PCDH11Y: variants seen among roughly 807,000 people sequenced by gnomAD.
PCDH11Y encodes the protein protocadherin 11 Y-linked, also known as protocadherin-11 Y-linked.
For missense variants in PCDH11Y, 12 were observed against 224.8 expected (o/e 0.05, Z 6.05); for synonymous variants, 9 against 83.6 (o/e 0.11, Z 4.87).
chrY:5,030,638 A>C, intron 1 of PCDH11Y, among the ~76,000 whole-genome samples: 1 of 33,397 alleles, frequency 3.0e-5, no homozygotes, highest in Non-Finnish European at 7.4e-5. Context: ...ATTAAACTTT[A>C]GACTTTTTTA....
intron 4 of PCDH11Y, among the ~76,000 whole-genome samples, chrY:5,728,041 T>C (rs2053600170): frequency 3.0e-5 from 1 of 33,100 alleles, no homozygotes; most frequent in Non-Finnish European, 7.5e-5. Context: ...CTGTTGATTA[T>C]GGCTTCTTTC....
intron 4 of PCDH11Y, among the ~76,000 whole-genome samples, chrY:5,630,931 A>G: frequency 3.0e-5 from 1 of 33,003 alleles, no homozygotes; most frequent in Non-Finnish European, 7.5e-5. Flanking sequence ...ACAATTCAGT[A>G]TAGCAGAAAA....
chrY:5,327,820 T>A, intron 2 of PCDH11Y, among the ~76,000 whole-genome samples: 3 of 32,333 alleles, frequency 9.3e-5, no homozygotes, highest in Admixed American at 2.8e-4. Flanking sequence ...AAGAGTGCTG[T>A]CTAAGTTGGC....
intron 2 of PCDH11Y, among the ~76,000 whole-genome samples, chrY:5,454,065 A>T: frequency 3.0e-5 from 1 of 33,135 alleles, no homozygotes; most frequent in Non-Finnish European, 7.4e-5. Context: ...TCATCTAGAG[A>T]TGTGTTTCTT....
intron 2 of PCDH11Y, among the ~76,000 whole-genome samples, chrY:5,174,535 A>G (rs2052890949): frequency 1.6e-4 from 5 of 32,002 alleles, no homozygotes. Flanking sequence ...GGAAGATACA[A>G]TTGCTATGAG....
At chrY:5,064,542 T>TA (rs2052682064) in intron 1 of PCDH11Y, among the ~76,000 whole-genome samples, 1 of 27,548 alleles carries the variant, frequency 3.6e-5, no homozygotes, top group Non-Finnish European at 8.4e-5. Flanking sequence ...TCTTGAGGGA[T>TA]AAAAAATGTG....
chrY:5,026,184 TATA>T (rs2124620579), intron 1 of PCDH11Y, among the ~76,000 whole-genome samples: 1 of 33,216 alleles, frequency 3.0e-5, no homozygotes, highest in East Asian at 8.0e-4. Flanking sequence ...AAATGGTTCA[TATA>T]ATAATAGGCA....
intron 2 of PCDH11Y, among the ~76,000 whole-genome samples, chrY:5,364,944 A>G: frequency 3.0e-5 from 1 of 33,135 alleles, no homozygotes; most frequent in African/African-American, 1.2e-4. Flanking sequence ...TTACTAGGCT[A>G]TGTTATAGAA....
At chrY:5,100,932 G>A in exon 2 of PCDH11Y, 1 of 319,291 alleles carries the variant, frequency 3.1e-6, no homozygotes, top group Admixed American at 1.3e-4. Context: ...TTATAGTAGG[G>A]GCAATTTTGT....
At chrY:5,386,168 G>C in intron 2 of PCDH11Y, among the ~76,000 whole-genome samples, 3 of 33,500 alleles carry the variant, frequency 9.0e-5, no homozygotes, top group Non-Finnish European at 1.5e-4. Flanking sequence ...GTTTAAAGAA[G>C]TTAAAGATAG....
At chrY:5,019,363 G>C (rs2124619519) in intron 1 of PCDH11Y, 1 of 32,194 alleles carries the variant, frequency 3.1e-5, no homozygotes, top group South Asian at 7.0e-4. Context: ...CCTGAGGTCA[G>C]GAGTTCGAGA....
intron 1 of PCDH11Y, among the ~76,000 whole-genome samples, chrY:5,067,999 T>C (rs2124630119): frequency 1.6e-4 from 2 of 12,421 alleles, no homozygotes; most frequent in Non-Finnish European, 3.1e-4. Flanking sequence ...GGCGACAGAG[T>C]AAGACTCCAT....
chrY:5,200,068 G>A (rs2052925266), intron 2 of PCDH11Y, among the ~76,000 whole-genome samples: 29 of 32,705 alleles, frequency 8.9e-4, no homozygotes, highest in African/African-American at 2.6e-3. Context: ...ACATGAGACC[G>A]GTTATCACCA....
At chrY:5,202,466 C>T in intron 2 of PCDH11Y, among the ~76,000 whole-genome samples, 1 of 33,079 alleles carries the variant, frequency 3.0e-5, no homozygotes, top group Non-Finnish European at 7.4e-5. Context: ...TAATTGTTTT[C>T]TCCTTCAAGT....
chrY:5,481,209 T>C, intron 2 of PCDH11Y, among the ~76,000 whole-genome samples: 6 of 32,584 alleles, frequency 1.8e-4, no homozygotes, highest in Admixed American at 1.4e-3. Flanking sequence ...AATCTGCAGA[T>C]TGCAAAAACT....
intron 2 of PCDH11Y, among the ~76,000 whole-genome samples, chrY:5,241,916 A>G: frequency 3.2e-5 from 1 of 31,695 alleles, no homozygotes; most frequent in South Asian, 7.3e-4. Context: ...CAAAAATTAA[A>G]AATTATGAAA....
At chrY:5,701,830 T>C in intron 4 of PCDH11Y, among the ~76,000 whole-genome samples, 1 of 33,077 alleles carries the variant, frequency 3.0e-5, no homozygotes, top group Admixed American at 2.7e-4. Context: ...CACCAGCCCA[T>C]GAAAGCATCC....
chrY:5,255,993 G>T (rs2053010421), intron 2 of PCDH11Y, among the ~76,000 whole-genome samples: 1 of 32,168 alleles, frequency 3.1e-5, no homozygotes, highest in Non-Finnish European at 7.6e-5. Context: ...TCTGTGTGAT[G>T]TCTCTTCACT....
chrY:5,385,590 T>G, intron 2 of PCDH11Y, among the ~76,000 whole-genome samples: 1 of 33,487 alleles, frequency 3.0e-5, no homozygotes. Flanking sequence ...TTGTAAATTT[T>G]GCTGCTATAA....
Sources: allele counts gnomAD v4.1 joint callset (sites outside exome capture counted in the v4.1 genomes callset), GRCh38; gene constraint gnomAD v4.1.1; transcripts MANE v1.5; gene names NCBI Gene and HGNC (gene_info 2026-07-23, HGNC 2026-07-21).